GPALPP1: variants seen among roughly 807,000 people sequenced by gnomAD.
The protein encoded by GPALPP1 is GPALPP motifs containing 1.
Under a neutral mutation model 38.9 loss-of-function variants are expected in GPALPP1, and 30 were observed. The ratio of observed to expected loss-of-function variants is 0.77; its 90% CI spans 0.58 to 1.05. The LOEUF is 1.05. Ranked by LOEUF, GPALPP1 falls within the 50% of genes least tolerant of loss-of-function variation. The probability of loss-of-function intolerance (pLI) is 0.00; values close to 1 mark genes in which losing one functional copy is unlikely to be tolerated. For synonymous variants in GPALPP1, 120 were observed against 139.2 expected (o/e 0.86, Z 0.97); for missense variants, 384 against 408.8 (o/e 0.94, Z 0.52).
At position 44,993,039 on chromosome 13, in the gene GPALPP1, T is replaced by TA. The variant is rs770220783; in HGVS notation, c.88+3298dup. ...TTAGGTACTTCATTTAATGGAATCATACAGTACTTGCCCTTTGGTTACTGG... is the reference window on the plus strand; with the variant it reads ...TTAGGTACTTCATTTAATGGAATCATAACAGTACTTGCCCTTTGGTTACTGG... On this transcript the variant is annotated intron_variant, in intron 1 of 7. Transcript: ENST00000379151. Among the ~76,000 whole-genome samples the TA allele has an allele frequency of 7.7e-4, 117 of 152,362 alleles. 2 individuals are homozygous for TA. In the Middle Eastern group the frequency reaches 0.024, roughly 31 times the overall value.
rs1324076484 is a variant in GPALPP1 at position 45,020,304 on chromosome 13, ATGTGTTATC to A, written c.706-19_706-11del. 4 of 826,946 alleles carry A rather than the reference ATGTGTTATC, an allele frequency of 4.8e-6. No individual in the cohort carries two copies. The highest frequency in any genetic ancestry group is 8.3e-6 in the Non-Finnish European group (4 of 480,454). The allele number at this position is 826,946 out of a possible 1,614,324, so 51.2% of individuals were successfully genotyped here. On this transcript the variant is annotated splice_polypyrimidine_tract_variant and intron_variant, in intron 6 of 7. Transcript: ENST00000379151. Reference sequence around the variant, plus strand: ...TTTATCTTAATCTTATGATTCAGTAATGTGTTATCTGTGTTCATTCCTCAGGAAACACAA... The same window carrying A: ...TTTATCTTAATCTTATGATTCAGTAATGTGTTCATTCCTCAGGAAACACAA...
At chr13:44,994,381 G>A (rs1183515584) in intron 1 of GPALPP1, among the ~76,000 whole-genome samples, 3 of 151,800 alleles carry the variant, frequency 2.0e-5, no homozygotes, top group Non-Finnish European at 2.9e-5. Flanking sequence ...TCAGGAATTC[G>A]AGACCAGCCT....
At chr13:45,027,035 C>T (rs1227528798) in intron 7 of GPALPP1, among the ~76,000 whole-genome samples, 1 of 151,984 alleles carries the variant, frequency 6.6e-6, no homozygotes, top group African/African-American at 2.4e-5. Flanking sequence ...TTAAAATTAC[C>T]CATGCCTTCA....
chr13:44,995,509 AT>A (rs1407724863), intron 1 of GPALPP1, among the ~76,000 whole-genome samples: 5 of 152,190 alleles, frequency 3.3e-5, no homozygotes, highest in African/African-American at 7.2e-5. Flanking sequence ...TCTAAAAAAA[AT>A]CTTTCAATGT....
chr13:44,989,831 A>T (rs910532765), intron 1 of GPALPP1, 89 bp downstream of exon 1: 5 of 1,001,014 alleles, frequency 5.0e-6, no homozygotes, highest in Non-Finnish European at 7.5e-6. Flanking sequence ...GAGGCCTAGG[A>T]GGGCGGAGGA....
chr13:45,002,562 G>C (rs188148172), intron 1 of GPALPP1: 1 of 152,298 alleles, frequency 6.6e-6, no homozygotes, highest in Non-Finnish European at 1.5e-5. Context: ...TAGGTGTTTT[G>C]CATATATTAA....
chr13:45,011,840 G>A (rs1326920273), intron 4 of GPALPP1, among the ~76,000 whole-genome samples: 1 of 152,118 alleles, frequency 6.6e-6, no homozygotes, highest in Non-Finnish European at 1.5e-5. Flanking sequence ...TTTCTAACAA[G>A]GGCGTTGAAG....
intron 7 of GPALPP1, among the ~76,000 whole-genome samples, chr13:45,024,262 CTGTGTGTGTGTGTGTGTGTGTG>C (rs34572145): frequency 4.1e-5 from 1 of 24,258 alleles, no homozygotes; most frequent in African/African-American, 1.5e-4. Flanking sequence ...CCCTAAAACT[CTGTGTGTGTGTGTGTGTGTGTG>C]TGTGTGTGTG....
chr13:44,997,720 A>C (rs920448242), intron 1 of GPALPP1, among the ~76,000 whole-genome samples: 3 of 152,078 alleles, frequency 2.0e-5, no homozygotes, highest in African/African-American at 7.2e-5. Context: ...TCCATCTGAG[A>C]GGAGTGCTTA....
At chr13:45,004,191 T>C in intron 1 of GPALPP1, 114 bp from the exon 2 acceptor site, 1 of 798,260 alleles carries the variant, frequency 1.3e-6, no homozygotes, top group East Asian at 2.5e-5. Flanking sequence ...AAGTGAATAA[T>C]AAATGATAGA....
At chr13:44,989,775 C>T (rs963214290) in intron 1 of GPALPP1, 33 bp downstream of exon 1, 1 of 1,507,456 alleles carries the variant, frequency 6.6e-7, no homozygotes, top group African/African-American at 1.4e-5. Flanking sequence ...CCCACCAGGC[C>T]CATCTACCCA....
intron 1 of GPALPP1, among the ~76,000 whole-genome samples, chr13:44,998,256 C>T (rs1007947620): frequency 3.3e-5 from 5 of 152,190 alleles, no homozygotes; most frequent in Non-Finnish European, 5.9e-5. Context: ...GACTCCCTTC[C>T]CTGTCCTTAG....
intron 1 of GPALPP1, among the ~76,000 whole-genome samples, chr13:44,999,173 T>C (rs1158860660): frequency 6.6e-6 from 1 of 152,034 alleles, no homozygotes; most frequent in East Asian, 1.9e-4. Flanking sequence ...TTCATCGGAG[T>C]TCAAGTTAGC....
intron 1 of GPALPP1, among the ~76,000 whole-genome samples, chr13:44,997,411 CCA>C (rs1244098106): frequency 2.0e-5 from 3 of 152,252 alleles, no homozygotes; most frequent in African/African-American, 7.2e-5. Flanking sequence ...CAAGAGCGAT[CCA>C]CAGACTCCAT....
chr13:45,006,142 TG>T, intron 2 of GPALPP1, 59 bp from the exon 3 acceptor site: 8 of 858,126 alleles, frequency 9.3e-6, no homozygotes, highest in Non-Finnish European at 1.3e-5. Context: ...AAAATTAAAA[TG>T]TGCTTTTGTG....
At chr13:44,990,009 G>T (rs955018647) in intron 1 of GPALPP1, 5 of 547,450 alleles carry the variant, frequency 9.1e-6, no homozygotes, top group South Asian at 7.4e-5. Flanking sequence ...TGCCCTAACT[G>T]ACTGATACCC....
chr13:44,995,603 T>C (rs1873212135), intron 1 of GPALPP1, among the ~76,000 whole-genome samples: 1 of 152,144 alleles, frequency 6.6e-6, no homozygotes, highest in African/African-American at 2.4e-5. Context: ...ACCCCCTAAG[T>C]CCCTGGGACT....
At chr13:45,020,555 GCAAGACCTTGTTTCTAAAAA>G in intron 7 of GPALPP1, 127 bp downstream of exon 7, 2 of 549,424 alleles carry the variant, frequency 3.6e-6, no homozygotes, top group East Asian at 6.9e-5. Flanking sequence ...GGGCAACATA[GCAAGACCTTGTTTCTAAAAA>G]CAATTTTTTT....
In GPALPP1 at chr13:45,020,216, C is replaced by T. The variant is rs188739696; in HGVS notation, c.706-114C>T. The stretch of plus-strand genomic sequence containing the variant: ...ATATTTCTGATCAGAAGGGATTTCA[C>T]AAACCTGGCTTAGTTGTGTCTCTTG... On this transcript the variant is annotated intron_variant, in intron 6 of 7. Transcript: ENST00000379151. 3.5e-3 allele frequency: 1,891 copies of T among 539,034 alleles called. 24 individuals carry two copies. Among genetic ancestry groups the T allele is most frequent in the South Asian group, 0.03 (1,290 of 42,330 alleles). 33.4% of individuals were successfully genotyped at this position (539,034 alleles called of 1,614,324 possible). A position where few individuals can be genotyped will look rare whatever the true frequency, so the allele number is the denominator to read the frequency against.
Sources: allele counts gnomAD v4.1 joint callset (sites outside exome capture counted in the v4.1 genomes callset), GRCh38; gene constraint gnomAD v4.1.1; transcripts MANE v1.5; gene names NCBI Gene and HGNC (gene_info 2026-07-23, HGNC 2026-07-21).